ZFHX3: variants seen among roughly 807,000 people sequenced by gnomAD.
The protein encoded by ZFHX3 is zinc finger homeobox protein 3.
In ZFHX3, 42 loss-of-function variants were observed where a neutral mutation model predicts 279.1. That is an observed-to-expected ratio of 0.15 (90% CI 0.12 to 0.19). ZFHX3 has a LOEUF of 0.19. Ranked by LOEUF, ZFHX3 falls within the 10% of genes least tolerant of loss-of-function variation. The pLI, the probability that ZFHX3 is intolerant of heterozygous loss-of-function variation, is 1.00. For synonymous variants in ZFHX3, 2,293 were observed against 1,957.8 expected, an observed-to-expected ratio of 1.17 and a Z score of -4.52; for missense variants, 4,981 against 4,754.0, an observed-to-expected ratio of 1.05 and a Z score of -1.40.
In ZFHX3 at chr16:72,794,448, A is replaced by G. The variant is rs760790924; in HGVS notation, c.8234T>C (p.Leu2745Pro). The G allele has an allele frequency of 1.9e-6, 3 of 1,614,070 alleles. No individual in the cohort carries two copies. In the South Asian group the frequency reaches 3.3e-5, roughly 18 times the overall value. The change falls in exon 9 of 10, where the codon CTA becomes CCA. Residue 2745 changes from leucine to proline, a missense_variant. This residue lies in a region of ZFHX3 where 744 missense variants were observed against 701.3 expected (regional missense o/e 1.06). Coordinates refer to ENST00000268489, the MANE Select transcript of ZFHX3 (RefSeq NM_006885.4). This position sits in a 1 kb window ranked among gnomAD's most constrained non-coding sequence, Gnocchi z 4.2. ...WHEAKRAGYN[L>P]TLSAMLLDCD... ...GTCTAAGAGCATCGCAGACAGAGTT[A>G]GGTTGTAGCCAGCTCTCTTGGCTTC...
At chr16:73,147,429 A>T (rs1380939894) in intron 5 of ZFHX3, among the ~76,000 whole-genome samples, 1 of 152,076 alleles carries the variant, frequency 6.6e-6, no homozygotes, top group Non-Finnish European at 1.5e-5. Flanking sequence ...GCGGTGGCTC[A>T]CGCCTGTAAT....
intron 4 of ZFHX3, among the ~76,000 whole-genome samples, chr16:73,309,406 A>AT (rs138330032): frequency 1.0e-3 from 157 of 152,280 alleles, no homozygotes; most frequent in Middle Eastern, 3.4e-3. Context: ...AAAGGCCATA[A>AT]TCTCATTCTT....
At chr16:73,264,180 G>T (rs74584310) in intron 4 of ZFHX3, among the ~76,000 whole-genome samples, 2,087 of 152,254 alleles carry the variant, frequency 0.014, 56 homozygotes, top group African/African-American at 0.048. Context: ...GGAAAAAAGG[G>T]CCTGGGAGTG....
intron 1 of ZFHX3, among the ~76,000 whole-genome samples, chr16:73,835,788 C>T (rs148531624): frequency 1.2e-4 from 18 of 152,098 alleles, no homozygotes; most frequent in African/African-American, 4.1e-4. Flanking sequence ...TCTTTTTCCC[C>T]ACCTATTAAG....
At chr16:72,837,616 C>T (rs542926569) in intron 4 of ZFHX3, among the ~76,000 whole-genome samples, 1 of 146,750 alleles carries the variant, frequency 6.8e-6, no homozygotes, top group East Asian at 2.0e-4. Flanking sequence ...CAGGCACATG[C>T]CACCACGCCT....
chr16:73,316,880 T>C (rs1479089802), intron 4 of ZFHX3, among the ~76,000 whole-genome samples: 1 of 152,216 alleles, frequency 6.6e-6, no homozygotes, highest in Non-Finnish European at 1.5e-5. Context: ...TTTCTTGAGC[T>C]AAGGGGAGGG....
At chr16:73,817,924 T>C (rs1272400293) in intron 1 of ZFHX3, among the ~76,000 whole-genome samples, 2 of 152,166 alleles carry the variant, frequency 1.3e-5, no homozygotes, top group Non-Finnish European at 1.5e-5. Context: ...AGGGTTACCA[T>C]TCAACCACGG....
chr16:73,306,165 G>T (rs1284769236), intron 4 of ZFHX3, among the ~76,000 whole-genome samples: 1 of 152,144 alleles, frequency 6.6e-6, no homozygotes, highest in African/African-American at 2.4e-5. Context: ...CTGCCCTAGA[G>T]TGTATATGTG....
chr16:73,644,285 G>A (rs2052598783), intron 2 of ZFHX3, among the ~76,000 whole-genome samples: 1 of 151,814 alleles, frequency 6.6e-6, no homozygotes, highest in Non-Finnish European at 1.5e-5. Flanking sequence ...ATCTCCCTTT[G>A]GTTATCTCCC....
chr16:73,842,883 G>A (rs1198502051), intron 1 of ZFHX3, among the ~76,000 whole-genome samples: 11 of 149,282 alleles, frequency 7.4e-5, no homozygotes, highest in Admixed American at 5.3e-4. Context: ...GGAAGGCACC[G>A]CCTGTCCAAA....
At chr16:73,074,457 A>C (rs946074208) in intron 8 of ZFHX3, among the ~76,000 whole-genome samples, 6 of 152,180 alleles carry the variant, frequency 3.9e-5, no homozygotes, top group Non-Finnish European at 8.8e-5. Flanking sequence ...GTTACGGATG[A>C]CCCGCTTGCT....
Position 72,788,004 on chromosome 16 carries a change from C to T in ZFHX3, c.10272G>A (p.Gln3424=), listed in dbSNP as rs749869759. The change falls in exon 10 of 10, where the codon CAG becomes CAA. Residue 3424 remains glutamine, a synonymous_variant. Coordinates refer to ENST00000268489, the MANE Select transcript of ZFHX3 (RefSeq NM_006885.4). ...PAKESPKPEE[Q]KNTPREVSPL... ...GGGACACCTCACGGGGGGTGTTTTT[C>T]TGTTCTTCTGGTTTGGGGGATTCTT... is the stretch of plus-strand genomic sequence containing the variant. 5.5e-5 allele frequency: 89 copies of T among 1,613,258 alleles called. No homozygotes were observed. Among genetic ancestry groups the T allele is most frequent in the Admixed American group, 1.3e-4 (8 of 59,966 alleles).
intron 1 of ZFHX3, among the ~76,000 whole-genome samples, chr16:73,734,303 G>C (rs2053592011): frequency 6.6e-6 from 1 of 152,150 alleles, no homozygotes; most frequent in South Asian, 2.1e-4. Context: ...AGAATATTCT[G>C]ATGGAGCTAC....
chr16:73,708,337 C>A (rs4243139), intron 1 of ZFHX3, among the ~76,000 whole-genome samples: 129,641 of 152,212 alleles, frequency 0.85, 56,579 homozygotes, highest in Non-Finnish European at 0.95. Flanking sequence ...AAGAATACAC[C>A]GCTGATGTAA....
intron 5 of ZFHX3, among the ~76,000 whole-genome samples, chr16:73,197,356 T>C (rs979918588): frequency 3.6e-4 from 55 of 152,222 alleles, no homozygotes; most frequent in African/African-American, 1.3e-3. Context: ...GGATTTACTA[T>C]GAGCACATGA....
At chr16:73,593,930 A>C (rs904610790) in intron 2 of ZFHX3, among the ~76,000 whole-genome samples, 3 of 152,206 alleles carry the variant, frequency 2.0e-5, no homozygotes, top group Non-Finnish European at 4.4e-5. Context: ...GCCCATGTCA[A>C]ACTCTTGTTA....
At chr16:73,450,130 C>T (rs906680704) in intron 3 of ZFHX3, among the ~76,000 whole-genome samples, 4 of 152,188 alleles carry the variant, frequency 2.6e-5, no homozygotes, top group African/African-American at 9.7e-5. Flanking sequence ...CTATCACCAC[C>T]TATAGTTACC....
chr16:73,502,927 G>A (rs906808106), intron 2 of ZFHX3, among the ~76,000 whole-genome samples: 2 of 152,218 alleles, frequency 1.3e-5, no homozygotes, highest in African/African-American at 4.8e-5. Context: ...GTGCCTCCCT[G>A]ATTCACCAAC....
intron 5 of ZFHX3, among the ~76,000 whole-genome samples, chr16:73,241,944 C>G (rs1480019107): frequency 1.3e-5 from 2 of 152,052 alleles, no homozygotes; most frequent in African/African-American, 4.8e-5. Flanking sequence ...TTGAGAACTG[C>G]TCTCTCTTCT....
Sources: gnomAD v4.1 joint callset for allele counts (sites outside exome capture counted in the v4.1 genomes callset) on GRCh38, gnomAD v4.1.1 for gene constraint, gnomAD v4.1.1 regional missense constraint, Gnocchi (gnomAD v3.1) non-coding constraint, MANE v1.5 for transcripts, NCBI Gene and HGNC (gene_info 2026-07-23, HGNC 2026-07-21) for gene names.